GRIA1: variants seen among roughly 807,000 people sequenced by gnomAD.
GRIA1 encodes glutamate ionotropic receptor AMPA type subunit 1.
In GRIA1, 31 loss-of-function variants were observed where a neutral mutation model predicts 99.2. The ratio of observed to expected loss-of-function variants is 0.31; its 90% CI spans 0.23 to 0.42. The LOEUF (loss-of-function observed/expected upper bound fraction) is 0.42, where lower values mean the gene tolerates loss of function less well. Among genes scored for constraint, GRIA1 ranks in the 10% least tolerant of loss-of-function variants. The pLI is 1.00. For missense variants in GRIA1, 782 were observed against 1,157.5 expected (o/e 0.68, Z 4.71); for synonymous variants, 438 against 432.4 (o/e 1.01, Z -0.16).
intron 7 of GRIA1, among the ~76,000 whole-genome samples, chr5:153,685,643 C>A (rs1757288962): frequency 6.6e-6 from 1 of 152,214 alleles, no homozygotes; most frequent in African/African-American, 2.4e-5. Flanking sequence ...TGCCTGAGGG[C>A]ACTTGGCTAT....
intron 2 of GRIA1, among the ~76,000 whole-genome samples, chr5:153,543,852 A>G (rs1759359883): frequency 6.6e-6 from 1 of 152,212 alleles, no homozygotes; most frequent in Non-Finnish European, 1.5e-5. Flanking sequence ...AAAACAAACT[A>G]AAGTGCCTGC....
At chr5:153,616,759 T>C (rs1478843398) in intron 2 of GRIA1, among the ~76,000 whole-genome samples, 1 of 151,956 alleles carries the variant, frequency 6.6e-6, no homozygotes, top group South Asian at 2.1e-4. Context: ...TTCTTGGGCA[T>C]CAGGGAAAAG....
At chr5:153,659,471 T>C (rs1306930848) in intron 5 of GRIA1, among the ~76,000 whole-genome samples, 2 of 152,188 alleles carry the variant, frequency 1.3e-5, no homozygotes, top group African/African-American at 4.8e-5. Context: ...TAACACTGAC[T>C]GTGCATTCAC....
At chr5:153,738,238 C>A (rs552168897) in intron 11 of GRIA1, among the ~76,000 whole-genome samples, 159 of 152,296 alleles carry the variant, frequency 1.0e-3, no homozygotes, top group African/African-American at 3.6e-3. Context: ...TGGGAAAACT[C>A]CTACTAAAAT....
chr5:153,775,326 A>G (rs1764151614), intron 13 of GRIA1, among the ~76,000 whole-genome samples: 1 of 152,240 alleles, frequency 6.6e-6, no homozygotes, highest in South Asian at 2.1e-4. Flanking sequence ...CCAGGAGTTT[A>G]ACGGATTTGC....
chr5:153,780,503 A>C (rs930629937), intron 13 of GRIA1, among the ~76,000 whole-genome samples: 1 of 152,218 alleles, frequency 6.6e-6, no homozygotes, highest in Admixed American at 6.5e-5. Flanking sequence ...ACTGGAGGTA[A>C]CTCTGGCATT....
At chr5:153,746,351 T>C (rs1431694100) in intron 11 of GRIA1, among the ~76,000 whole-genome samples, 1 of 152,188 alleles carries the variant, frequency 6.6e-6, no homozygotes, top group African/African-American at 2.4e-5. Flanking sequence ...TTTCAATGGG[T>C]TATTTTAAGT....
chr5:153,690,780 G>T (rs1257527647), intron 8 of GRIA1, among the ~76,000 whole-genome samples: 1 of 152,124 alleles, frequency 6.6e-6, no homozygotes, highest in Non-Finnish European at 1.5e-5. Flanking sequence ...CCTTCCAATG[G>T]CCAAATCCTT....
chr5:153,760,188 T>C (rs1763088450), intron 11 of GRIA1, among the ~76,000 whole-genome samples: 1 of 152,048 alleles, frequency 6.6e-6, no homozygotes, highest in Non-Finnish European at 1.5e-5. Context: ...CTGGAAGTCC[T>C]AGCCTGAGCA....
At chr5:153,729,065 T>A (rs1470108575) in intron 11 of GRIA1, among the ~76,000 whole-genome samples, 1 of 148,584 alleles carries the variant, frequency 6.7e-6, no homozygotes, top group Non-Finnish European at 1.5e-5. Context: ...TAAAAAATGA[T>A]GAGTTCGTGT....
At chr5:153,618,008 G>C (rs1766676353) in intron 2 of GRIA1, among the ~76,000 whole-genome samples, 1 of 152,176 alleles carries the variant, frequency 6.6e-6, no homozygotes, top group Non-Finnish European at 1.5e-5. Context: ...TTTATGTGTG[G>C]GGTGGATGTA....
intron 2 of GRIA1, among the ~76,000 whole-genome samples, chr5:153,524,918 G>T (rs939997921): frequency 1.3e-5 from 2 of 152,192 alleles, no homozygotes; most frequent in Admixed American, 1.3e-4. Flanking sequence ...ATAGTTGATT[G>T]TAGTCCAGTG....
chr5:153,791,183 C>T (rs1489583152), intron 13 of GRIA1, among the ~76,000 whole-genome samples: 2 of 151,170 alleles, frequency 1.3e-5, no homozygotes, highest in Non-Finnish European at 2.9e-5. Flanking sequence ...TGCCTGTATC[C>T]TAGCACTTTG....
chr5:153,756,666 A>G (rs532501739), intron 11 of GRIA1, among the ~76,000 whole-genome samples: 1 of 152,148 alleles, frequency 6.6e-6, no homozygotes, highest in Non-Finnish European at 1.5e-5. Flanking sequence ...TCTAGGTCCA[A>G]CCAAGCTGGA....
chr5:153,789,790 C>G (rs968452145), intron 13 of GRIA1, among the ~76,000 whole-genome samples: 2 of 152,282 alleles, frequency 1.3e-5, no homozygotes, highest in East Asian at 3.9e-4. Context: ...ACTGATTTAC[C>G]TAATGGCACA....
At chr5:153,615,410 G>A (rs1766397416) in intron 2 of GRIA1, among the ~76,000 whole-genome samples, 1 of 152,216 alleles carries the variant, frequency 6.6e-6, no homozygotes, top group Non-Finnish European at 1.5e-5. Flanking sequence ...GGGAGTCTGA[G>A]ATGAAAGGAC....
In GRIA1 at chr5:153,688,927, G is replaced by A. The variant is rs115349416; in HGVS notation, c.1134+2598G>A. Among the ~76,000 whole-genome samples, 851 of 152,110 alleles carry A rather than the reference G, an allele frequency of 5.6e-3. 12 individuals carry two copies. Among genetic ancestry groups the A allele is most frequent in the African/African-American group, 0.02 (812 of 41,502 alleles). On this transcript the variant is annotated intron_variant, in intron 8 of 15. Coordinates refer to ENST00000285900, the MANE Select transcript of GRIA1 (RefSeq NM_000827.4). The stretch of plus-strand genomic sequence containing the variant: ...TAGACACGGGGTTTCTCACGACGTT[G>A]GCCAGACTGGTCTCAAACTCCTGAC...
chr5:153,749,438 C>T (rs1762369229), intron 11 of GRIA1, among the ~76,000 whole-genome samples: 1 of 152,178 alleles, frequency 6.6e-6, no homozygotes, highest in Non-Finnish European at 1.5e-5. Context: ...ATGGTGCCAG[C>T]ATCTGCTTCT....
intron 2 of GRIA1, among the ~76,000 whole-genome samples, chr5:153,498,216 C>T (rs1754630476): frequency 6.6e-6 from 1 of 152,164 alleles, no homozygotes; most frequent in Non-Finnish European, 1.5e-5. Context: ...GAGTAAACCC[C>T]ATCTACATGG....
Sources: allele counts gnomAD v4.1 joint callset (sites outside exome capture counted in the v4.1 genomes callset), GRCh38; gene constraint gnomAD v4.1.1; transcripts MANE v1.5; gene names NCBI Gene and HGNC (gene_info 2026-07-23, HGNC 2026-07-21).